The following TTLL11 variants were observed in gnomAD, a reference collection of about 807,000 sequenced individuals.
The protein encoded by TTLL11 is tubulin polyglutamylase TTLL11.
TTLL11 carries 42 observed loss-of-function variants against 51.7 expected under a neutral mutation model. The ratio of observed to expected loss-of-function variants is 0.81; its 90% CI spans 0.64 to 1.05. The LOEUF (loss-of-function observed/expected upper bound fraction) is 1.05, where lower values mean the gene tolerates loss of function less well. TTLL11 is among the 50% of genes least tolerant of loss of function. The pLI is 0.00. For synonymous variants in TTLL11, 381 were observed against 383.5 expected, an observed-to-expected ratio of 0.99 and a Z score of 0.08; for missense variants, 799 against 940.4, an observed-to-expected ratio of 0.85 and a Z score of 1.97.
chr9:122,059,826 T>G (rs759807852), intron 1 of TTLL11, among the ~76,000 whole-genome samples: 1 of 152,144 alleles, frequency 6.6e-6, no homozygotes, highest in Non-Finnish European at 1.5e-5. Context: ...CTCAGGGTCA[T>G]CATCTGTGCT....
chr9:122,079,994 G>A (rs910183748), intron 1 of TTLL11, among the ~76,000 whole-genome samples: 1 of 152,122 alleles, frequency 6.6e-6, no homozygotes. Flanking sequence ...AGAAGGTCAA[G>A]GATAAAGAGA....
intron 8 of TTLL11, among the ~76,000 whole-genome samples, chr9:121,846,996 G>A (rs1837533755): frequency 6.6e-6 from 1 of 152,136 alleles, no homozygotes. Flanking sequence ...GGATCACGAG[G>A]TCAAGAGATC....
intron 6 of TTLL11, among the ~76,000 whole-genome samples, chr9:121,903,120 A>G (rs576731229): frequency 2.0e-5 from 3 of 152,284 alleles, no homozygotes; most frequent in Admixed American, 6.5e-5. Context: ...GAGGCCTGCA[A>G]TGTACCTGAA....
chr9:121,823,827 T>C (rs545713787), intron 8 of TTLL11, among the ~76,000 whole-genome samples: 39 of 152,322 alleles, frequency 2.6e-4, no homozygotes, highest in Middle Eastern at 3.4e-3. Flanking sequence ...ACGACACCCC[T>C]GGAATGCTCT....
Position 122,012,226 on chromosome 9 carries a change from G to C in TTLL11, c.693+19497C>G, listed in dbSNP as rs573792592. Reference sequence around the variant, plus strand: ...TCAAGATTGGCTCTGCTCTTTTCTCGTAGAAAATTAGACATCTCTAGTCAA... The same window carrying C: ...TCAAGATTGGCTCTGCTCTTTTCTCCTAGAAAATTAGACATCTCTAGTCAA... On this transcript the variant is annotated intron_variant, in intron 3 of 8. Transcript: ENST00000321582. Among the ~76,000 whole-genome samples, 10 of 152,178 alleles carry C rather than the reference G, an allele frequency of 6.6e-5. No homozygotes were observed. The East Asian group carries it at 1.4e-3, about 21-fold the overall frequency.
intron 3 of TTLL11, among the ~76,000 whole-genome samples, chr9:122,009,523 T>C (rs928051999): frequency 6.6e-6 from 1 of 151,864 alleles, no homozygotes; most frequent in Non-Finnish European, 1.5e-5. Context: ...CTGTATAGTA[T>C]ATATGTAGAC....
intron 1 of TTLL11, among the ~76,000 whole-genome samples, chr9:122,079,607 G>A (rs1845947566): frequency 6.6e-6 from 1 of 152,008 alleles, no homozygotes; most frequent in Non-Finnish European, 1.5e-5. Context: ...TACTCGGGAG[G>A]CTGAGGCAGG....
chr9:121,917,414 G>A (rs1247100033), intron 6 of TTLL11, among the ~76,000 whole-genome samples: 1 of 151,376 alleles, frequency 6.6e-6, no homozygotes, highest in East Asian at 1.9e-4. Context: ...AGGTTGTAGT[G>A]AGCTATGATT....
intron 8 of TTLL11, among the ~76,000 whole-genome samples, chr9:121,833,111 G>A (rs1023482265): frequency 6.6e-6 from 1 of 152,124 alleles, no homozygotes; most frequent in Admixed American, 6.5e-5. Flanking sequence ...AGTTAGATTC[G>A]CTGGTCTTTG....
chr9:121,899,719 T>C (rs2131471496), intron 6 of TTLL11, among the ~76,000 whole-genome samples: 1 of 152,188 alleles, frequency 6.6e-6, no homozygotes, highest in South Asian at 2.1e-4. Flanking sequence ...TATATTTTAA[T>C]TAATTTTTTC....
intron 6 of TTLL11, among the ~76,000 whole-genome samples, chr9:121,871,030 C>T (rs762555921): frequency 4.6e-5 from 7 of 152,244 alleles, no homozygotes; most frequent in Non-Finnish European, 7.4e-5. Flanking sequence ...CATGATTCAA[C>T]GGAATACTCT....
At chr9:121,823,025 A>T in intron 8 of TTLL11, 146 bp from the exon 9 acceptor site, 1 of 999,632 alleles carries the variant, frequency 1.0e-6, no homozygotes, top group Non-Finnish European at 1.4e-6. Flanking sequence ...AACAGGGCTA[A>T]CTCACTCACA....
intron 3 of TTLL11, among the ~76,000 whole-genome samples, chr9:122,014,308 T>C (rs895969771): frequency 1.3e-5 from 2 of 151,902 alleles, no homozygotes; most frequent in African/African-American, 4.8e-5. Context: ...GAGGTTGCAG[T>C]GAGCCGAGAT....
chr9:122,046,683 T>A (rs144780648), intron 1 of TTLL11, among the ~76,000 whole-genome samples: 19 of 152,238 alleles, frequency 1.2e-4, no homozygotes, highest in Middle Eastern at 3.4e-3. Context: ...TTCAGACACT[T>A]TTGGAAAAAG....
intron 1 of TTLL11, among the ~76,000 whole-genome samples, chr9:122,069,096 C>G (rs1282459661): frequency 6.6e-6 from 1 of 152,200 alleles, no homozygotes; most frequent in East Asian, 1.9e-4. Context: ...AACCGTTTAT[C>G]CTACTCAAGT....
In TTLL11 at chr9:121,999,773, A is replaced by G. The variant is rs190917917; in HGVS notation, c.694-10003T>C. Among the ~76,000 whole-genome samples the G allele has an allele frequency of 2.1e-3, 325 of 152,318 alleles. 1 individual carries two copies. Among genetic ancestry groups the G allele is most frequent in the Admixed American group, 5.2e-3 (79 of 15,300 alleles). On this transcript the variant is annotated intron_variant, in intron 3 of 8. Coordinates refer to ENST00000321582, the MANE Select transcript of TTLL11 (RefSeq NM_001139442.2). ...GCGTGCACACATTTGCATGTGATTC[A>G]ACCTCATACTATTATTATTACCCAC...
At chr9:122,043,520 G>C (rs777056101) in intron 1 of TTLL11, among the ~76,000 whole-genome samples, 18 of 152,132 alleles carry the variant, frequency 1.2e-4, no homozygotes, top group Admixed American at 5.9e-4. Flanking sequence ...AATCATATGA[G>C]CCAAATCAAA....
In TTLL11 at chr9:121,824,239, G is replaced by A. The variant is rs528589366; in HGVS notation, c.1841-1360C>T. On this transcript the variant is annotated intron_variant, in intron 8 of 8. Coordinates refer to ENST00000321582, the MANE Select transcript of TTLL11 (RefSeq NM_001139442.2). ...CACCTGTAATCCTAGCACTTTGGGA[G>A]GCCGAGGTGGGCGGATCACGAGGTC... is the stretch of plus-strand genomic sequence containing the variant. Among the ~76,000 whole-genome samples, 196 of 152,246 alleles carry A rather than the reference G, an allele frequency of 1.3e-3. 1 individual carries two copies. Among genetic ancestry groups the A allele is most frequent in the Non-Finnish European group, 2.1e-3 (146 of 68,000 alleles).
intron 1 of TTLL11, among the ~76,000 whole-genome samples, chr9:122,047,362 T>A (rs1845036862): frequency 6.6e-6 from 1 of 152,124 alleles, no homozygotes; most frequent in African/African-American, 2.4e-5. Context: ...AATAAATGTG[T>A]AAAAGCACAG....
Sources: gnomAD v4.1 joint callset for allele counts (sites outside exome capture counted in the v4.1 genomes callset) on GRCh38, gnomAD v4.1.1 for gene constraint, MANE v1.5 for transcripts, NCBI Gene and HGNC (gene_info 2026-07-23, HGNC 2026-07-21) for gene names.